The following PTPRK variants were observed in gnomAD, a reference collection of about 807,000 sequenced individuals.
The protein encoded by PTPRK is protein tyrosine phosphatase receptor type K, also known as receptor-type tyrosine-protein phosphatase kappa.
A neutral mutation model predicts 178.0 loss-of-function variants in PTPRK; 75 were observed. That is an observed-to-expected ratio of 0.42 (90% CI 0.35 to 0.51). The LOEUF (loss-of-function observed/expected upper bound fraction) is 0.51. PTPRK is among the 20% of genes least tolerant of loss of function. The pLI is 0.02. For synonymous variants in PTPRK, 637 were observed against 620.6 expected (o/e 1.03, Z -0.39); for missense variants, 1,441 against 1,797.8 (o/e 0.80, Z 3.59).
At chr6:128,237,496 C>CA (rs747261078) in intron 5 of PTPRK, among the ~76,000 whole-genome samples, 3 of 152,216 alleles carry the variant, frequency 2.0e-5, no homozygotes, top group Admixed American at 1.3e-4. Flanking sequence ...ATCTTCCACA[C>CA]AAAAAGGTTA....
chr6:128,335,258 A>C (rs984516509), intron 2 of PTPRK, among the ~76,000 whole-genome samples: 1 of 152,122 alleles, frequency 6.6e-6, no homozygotes, highest in African/African-American at 2.4e-5. Context: ...TAATAAAAGC[A>C]CTGTTTGAGT....
At chr6:127,990,135 A>G (rs1030621806) in intron 21 of PTPRK, among the ~76,000 whole-genome samples, 3 of 152,140 alleles carry the variant, frequency 2.0e-5, no homozygotes, top group Non-Finnish European at 4.4e-5. Context: ...CAATTTTAGT[A>G]TGAACTAAAA....
chr6:128,425,070 A>G (rs377557291), intron 1 of PTPRK, among the ~76,000 whole-genome samples: 1 of 148,978 alleles, frequency 6.7e-6, no homozygotes, highest in East Asian at 2.0e-4. Context: ...ACTGTACCCA[A>G]TGTGTAGTCT....
chr6:127,992,431 C>G (rs1172946064), intron 19 of PTPRK, among the ~76,000 whole-genome samples: 1 of 151,710 alleles, frequency 6.6e-6, no homozygotes, highest in Non-Finnish European at 1.5e-5. Flanking sequence ...TAACAAGGAT[C>G]AAATCATAAT....
chr6:128,509,076 T>A (rs991783665), intron 1 of PTPRK, among the ~76,000 whole-genome samples: 3 of 152,216 alleles, frequency 2.0e-5, no homozygotes, highest in African/African-American at 7.2e-5. Context: ...ACCCGGGACA[T>A]GAATCATCCC....
At chr6:128,351,470 TATC>T (rs917936572) in intron 2 of PTPRK, among the ~76,000 whole-genome samples, 4 of 152,006 alleles carry the variant, frequency 2.6e-5, no homozygotes, top group African/African-American at 9.7e-5. Flanking sequence ...AAAGAAAAAA[TATC>T]ATAAAATACA....
chr6:128,180,684 T>C (rs889029691), intron 7 of PTPRK, among the ~76,000 whole-genome samples: 1 of 152,158 alleles, frequency 6.6e-6, no homozygotes, highest in Non-Finnish European at 1.5e-5. Context: ...GTTTAAAGTA[T>C]TTAAAACACA....
At chr6:128,500,566 A>G (rs938739177) in intron 1 of PTPRK, 2 of 152,248 alleles carry the variant, frequency 1.3e-5, no homozygotes, top group Admixed American at 1.3e-4. Flanking sequence ...CAGGTCACAC[A>G]GAAGAGATTG....
chr6:127,991,811 C>T (rs1291842449), intron 19 of PTPRK, among the ~76,000 whole-genome samples: 2 of 151,558 alleles, frequency 1.3e-5, no homozygotes, highest in African/African-American at 4.8e-5. Flanking sequence ...AAAACATATC[C>T]TTACACGTAA....
chr6:127,997,111 TA>T (rs1249061194), intron 16 of PTPRK, 123 bp from the exon 17 acceptor site: 1 of 931,268 alleles, frequency 1.1e-6, no homozygotes, highest in Non-Finnish European at 1.6e-6. Context: ...CCTACAGTAG[TA>T]AACAAGTTTC....
At chr6:128,215,352 T>C (rs1452124127) in intron 6 of PTPRK, among the ~76,000 whole-genome samples, 1 of 152,170 alleles carries the variant, frequency 6.6e-6, no homozygotes, top group Non-Finnish European at 1.5e-5. Context: ...TGCTTTCAGT[T>C]TGAAGCTTGG....
At chr6:127,976,370 T>A (rs1344187760) in intron 27 of PTPRK, among the ~76,000 whole-genome samples, 1 of 152,204 alleles carries the variant, frequency 6.6e-6, no homozygotes, top group Non-Finnish European at 1.5e-5. Context: ...TAAGTCTACA[T>A]ACACTCAGAG....
intron 15 of PTPRK, among the ~76,000 whole-genome samples, chr6:128,003,739 A>G (rs1394684787): frequency 6.6e-6 from 1 of 151,926 alleles, no homozygotes; most frequent in Non-Finnish European, 1.5e-5. Flanking sequence ...AATTGATTAA[A>G]TATTAAATTA....
chr6:128,211,454 C>A (rs1489623535), intron 6 of PTPRK, among the ~76,000 whole-genome samples: 1 of 151,934 alleles, frequency 6.6e-6, no homozygotes, highest in Non-Finnish European at 1.5e-5. Context: ...TTATCTTAAC[C>A]CAGATGGGAA....
intron 14 of PTPRK, chr6:128,008,142 A>G: frequency 9.2e-7 from 1 of 1,081,708 alleles, no homozygotes; most frequent in Non-Finnish European, 1.3e-6. Context: ...TGATGGAATC[A>G]TTAAAACATG....
chr6:128,322,421 T>C (rs1323456272), intron 2 of PTPRK, 111 bp from the exon 3 acceptor site: 1 of 1,083,454 alleles, frequency 9.2e-7, no homozygotes, highest in African/African-American at 1.6e-5. Context: ...TTAAAAAGAC[T>C]GTTTTCCAGA....
chr6:128,132,261 G>T (rs1028744434), intron 7 of PTPRK, among the ~76,000 whole-genome samples: 1 of 152,132 alleles, frequency 6.6e-6, no homozygotes, highest in African/African-American at 2.4e-5. Context: ...TGCAAACTCC[G>T]CCTGCCGGGT....
chr6:127,997,439 C>T (rs543445827), intron 16 of PTPRK, among the ~76,000 whole-genome samples: 5 of 152,172 alleles, frequency 3.3e-5, no homozygotes, highest in East Asian at 1.9e-4. Flanking sequence ...TGCAATACAT[C>T]GCATCTGAGT....
At chr6:128,415,367 A>T (rs527500245) in intron 1 of PTPRK, among the ~76,000 whole-genome samples, 73 of 152,232 alleles carry the variant, frequency 4.8e-4, no homozygotes, top group Non-Finnish European at 8.7e-4. Context: ...CTTAATGTCC[A>T]AAGCCACAAA....
Sources: allele counts gnomAD v4.1 joint callset (sites outside exome capture counted in the v4.1 genomes callset), GRCh38; gene constraint gnomAD v4.1.1; transcripts MANE v1.5; gene names NCBI Gene and HGNC (gene_info 2026-07-23, HGNC 2026-07-21).